TRIM16: variants seen among roughly 807,000 people sequenced by gnomAD.
The protein encoded by TRIM16 is tripartite motif-containing protein 16.
A neutral mutation model predicts 50.4 loss-of-function variants in TRIM16; 33 were observed. The ratio of observed to expected loss-of-function variants is 0.65; its 90% CI spans 0.50 to 0.88. The LOEUF (loss-of-function observed/expected upper bound fraction) is 0.88. Among genes scored for constraint, TRIM16 ranks in the 40% least tolerant of loss-of-function variants. The probability of loss-of-function intolerance (pLI) is 0.00; values close to 1 mark genes in which losing one functional copy is unlikely to be tolerated. For synonymous variants in TRIM16, 229 were observed against 270.7 expected (o/e 0.85, Z 1.51); for missense variants, 581 against 686.8 (o/e 0.85, Z 1.72).
intron 3 of TRIM16, 83 bp downstream of exon 3, chr17:15,682,752 TGGTATAATGGAAAGAGTAC>T (rs1482533216): frequency 8.9e-7 from 1 of 1,119,432 alleles, no homozygotes; most frequent in East Asian, 4.0e-5. Context: ...GAAAGGCAGG[TGGTATAATGGAAAGAGTAC>T]GGAAGTAAGG....
Position 15,632,582 on chromosome 17 carries a change from GA to G in TRIM16, c.941del (p.Ile314ThrfsTer8). ...KDKLSGIRKV[I>X]TESTVHLIQL... ...GGATTAAGTGTACAGTGGATTCCGT[GA>G]TAACTTTGCGGATGCCCGAGAGTTT... On this transcript the variant is annotated frameshift_variant, in exon 10 of 12. Coordinates refer to ENST00000649191, the MANE Select transcript of TRIM16 (RefSeq NM_001348119.1). LOFTEE classifies it high-confidence loss of function. 1.2e-6 allele frequency: 2 copies of G among 1,613,946 alleles called. No individual in the cohort carries two copies. The highest frequency in any genetic ancestry group is 4.5e-5 in the East Asian group (2 of 44,884).
chr17:15,675,893 T>C (rs1988919710), intron 6 of TRIM16, among the ~76,000 whole-genome samples: 1 of 150,810 alleles, frequency 6.6e-6, no homozygotes, highest in Non-Finnish European at 1.5e-5. Flanking sequence ...CTTGAATGTT[T>C]GTGTTCGTTA....
chr17:15,651,566 G>A lies in TRIM16; in HGVS notation c.44C>T (p.Ala15Val), dbSNP rs1477057339. The A allele has an allele frequency of 1.9e-6, 3 of 1,613,650 alleles. No homozygotes were observed. Among genetic ancestry groups the A allele is most frequent in the African/African-American group, 2.7e-5 (2 of 74,920 alleles). The change falls in exon 7 of 12, where the codon GCC becomes GTC. Residue 15 changes from alanine to valine, a missense_variant. This residue lies in a region of TRIM16 where 450 missense variants were observed against 544.3 expected (regional missense o/e 0.83). Transcript: ENST00000649191. ...DLMAPGPLPRATAQPPAPLSP... is the reference protein window; with the variant it reads ...DLMAPGPLPRVTAQPPAPLSP... ...GAGAGGGGCTGGGGGCTGAGCAGTG[G>A]CCCTGGGCAGTGGCCCTGGAGCCAT...
chr17:15,656,814 G>A (rs1231895826), intron 6 of TRIM16, among the ~76,000 whole-genome samples: 3 of 152,156 alleles, frequency 2.0e-5, no homozygotes, highest in South Asian at 2.1e-4. Context: ...ACGTAGTGGT[G>A]CAATCACAGC....
rs1326540866 is a variant in TRIM16 at position 15,651,719 on chromosome 17, T to C, written c.-110A>G. 6.5e-7 allele frequency: 1 copy of C among 1,535,802 alleles called. No individual in the cohort carries two copies. Among genetic ancestry groups the C allele is most frequent in the Non-Finnish European group, 8.7e-7 (1 of 1,146,048 alleles). Reference sequence around the variant, plus strand: ...CTAGATGATTGCAGCTGCTGCAAGATTTTAACTGTTTCCTCCCTCCCAGAG... The same window carrying C: ...CTAGATGATTGCAGCTGCTGCAAGACTTTAACTGTTTCCTCCCTCCCAGAG... On this transcript the variant is annotated 5_prime_UTR_variant, in exon 7 of 12. Transcript: ENST00000649191.
chr17:15,646,775 A>G (rs903296395), intron 7 of TRIM16, among the ~76,000 whole-genome samples: 5 of 151,956 alleles, frequency 3.3e-5, no homozygotes, highest in Non-Finnish European at 7.4e-5. Flanking sequence ...TAGAGAAGGA[A>G]GAACTAGAGT....
At chr17:15,673,116 A>G (rs1348179593) in intron 6 of TRIM16, among the ~76,000 whole-genome samples, 1 of 152,232 alleles carries the variant, frequency 6.6e-6, no homozygotes, top group Non-Finnish European at 1.5e-5. Flanking sequence ...TCCAAAGCCA[A>G]CTGGCTCCAG....
At chr17:15,632,096 ATG>A (rs1986455383) in intron 10 of TRIM16, 3 of 307,026 alleles carry the variant, frequency 9.8e-6, no homozygotes, top group South Asian at 6.8e-5. Context: ...GGCTTTGAAA[ATG>A]AGACATTTGA....
intron 3 of TRIM16, 123 bp downstream of exon 3, chr17:15,682,731 C>G: frequency 1.0e-6 from 1 of 973,482 alleles, no homozygotes; most frequent in Non-Finnish European, 1.3e-6. Flanking sequence ...CTTATCCCCC[C>G]TTATCCTTCA....
At position 15,658,056 on chromosome 17, in the gene TRIM16, C is replaced by T. The variant is rs143259180; in HGVS notation, c.-337-6110G>A. Among the ~76,000 whole-genome samples the T allele has an allele frequency of 2.1e-3, 313 of 152,272 alleles. 4 individuals are homozygous for T. Among genetic ancestry groups the T allele is most frequent in the Non-Finnish European group, 3.2e-3 (218 of 68,028 alleles). ...TCCTTTCCAGAATTGAGGGAGGAAT[C>T]CCCACCCAGAATTCTGATGACTCAA... is the stretch of plus-strand genomic sequence containing the variant. On this transcript the variant is annotated intron_variant, in intron 6 of 11. Transcript: ENST00000649191.
chr17:15,643,717 T>C (rs1276850036), intron 7 of TRIM16, among the ~76,000 whole-genome samples: 2 of 152,152 alleles, frequency 1.3e-5, no homozygotes, highest in African/African-American at 4.8e-5. Flanking sequence ...TAGGTAAACA[T>C]GATTATTATT....
intron 8 of TRIM16, among the ~76,000 whole-genome samples, chr17:15,639,045 CTT>C (rs529832460): frequency 0.022 from 2,190 of 100,496 alleles, 105 homozygotes; most frequent in African/African-American, 0.11. Context: ...TTCTCTCTCT[CTT>C]TTTTTTTTTT....
Position 15,628,934 on chromosome 17 carries a change from C to T in TRIM16, c.1376G>A (p.Cys459Tyr). 1.2e-6 allele frequency: 2 copies of T among 1,614,240 alleles called. No individual in the cohort carries two copies. Among genetic ancestry groups the T allele is most frequent in the East Asian group, 2.2e-5 (1 of 44,890 alleles). ...CCAGGAGAAGTTGTTTCCGGAAATG[C>T]AACTGTTGCGCTCCTCCCCTTTCCG... The part of the protein sequence containing the change: ...IDRKGEERNS[C>Y]ISGNNFSWSL... Residue 459 changes from cysteine (C) to tyrosine (Y), a missense_variant, in exon 12 of 12, where the codon TGC becomes TAC. Cys to Tyr is a radical substitution (Grantham distance 194). Around this residue, in one of 3 missense-constraint regions of TRIM16, gnomAD observed 115 missense variants for 106.7 expected, o/e 1.08. Coordinates refer to ENST00000649191, the MANE Select transcript of TRIM16 (RefSeq NM_001348119.1).
Position 15,628,423 on chromosome 17 carries a change from G to C in TRIM16, c.*192C>G. 1 of 533,434 alleles carries C rather than the reference G, an allele frequency of 1.9e-6. No homozygotes were observed. 33.0% of individuals were successfully genotyped at this position (533,434 alleles called of 1,614,324 possible). On this transcript the variant is annotated 3_prime_UTR_variant, in exon 12 of 12. Transcript: ENST00000649191. Reference sequence around the variant, plus strand: ...GACTCCGTCTCAAAAAAAAAAAAAAGAATTACTGCAAACACATAGAGAACA... The same window carrying C: ...GACTCCGTCTCAAAAAAAAAAAAAACAATTACTGCAAACACATAGAGAACA...
At chr17:15,674,301 C>T (rs1308835298) in intron 6 of TRIM16, among the ~76,000 whole-genome samples, 1 of 150,980 alleles carries the variant, frequency 6.6e-6, no homozygotes, top group Non-Finnish European at 1.5e-5. Flanking sequence ...ACCTGGGAGG[C>T]GGAGGTCACA....
In TRIM16 at chr17:15,682,929, C is replaced by T; in HGVS notation, c.-754G>A. On this transcript the variant is annotated 5_prime_UTR_variant, in exon 3 of 12. Transcript: ENST00000649191. ...TAACTTGCCCAAGTTCTCTGTGCTG[C>T]CCACACACATTTTACAAGGTTGCTG... 6.5e-7 allele frequency: 1 copy of T among 1,530,142 alleles called. No individual in the cohort carries two copies. The highest frequency in any genetic ancestry group is 1.3e-5 in the South Asian group (1 of 79,580). The allele number at this position is 1,530,142 out of a possible 1,614,324, so 94.8% of individuals were successfully genotyped here.
rs572831877 is a variant in TRIM16 at position 15,668,026 on chromosome 17, G to A, written c.-338+9150C>T. On this transcript the variant is annotated intron_variant, in intron 6 of 11. Transcript: ENST00000649191. ...ATGTTCAGCTTGCCTCTCAACCTTC[G>A]GCTTACAAGGGACCTATCCATGTAC... is the stretch of plus-strand genomic sequence containing the variant. Among the ~76,000 whole-genome samples, 6 of 151,896 alleles carry A rather than the reference G, an allele frequency of 4.0e-5. No homozygotes were observed. The East Asian group carries it at 5.8e-4, about 15-fold the overall frequency.
chr17:15,661,974 A>G (rs1305524850), intron 6 of TRIM16, among the ~76,000 whole-genome samples: 1 of 152,194 alleles, frequency 6.6e-6, no homozygotes, highest in Non-Finnish European at 1.5e-5. Context: ...GCTCCGTTCT[A>G]AATACCTCCT....
intron 8 of TRIM16, among the ~76,000 whole-genome samples, chr17:15,642,455 A>G (rs1263031288): frequency 1.3e-5 from 2 of 148,432 alleles, no homozygotes; most frequent in African/African-American, 5.0e-5. Flanking sequence ...AGCATAAGCA[A>G]ATGTAGAAAT....
Sources: gnomAD v4.1 joint callset for allele counts (sites outside exome capture counted in the v4.1 genomes callset) on GRCh38, gnomAD v4.1.1 for gene constraint, gnomAD v4.1.1 regional missense constraint, MANE v1.5 for transcripts, NCBI Gene and HGNC (gene_info 2026-07-23, HGNC 2026-07-21) for gene names.